Variants in POP4 observed in about 807,000 individuals in gnomAD.
The protein encoded by POP4 is POP4 ribonuclease P/MRP subunit.
Under a neutral mutation model 29.9 loss-of-function variants are expected in POP4, and 31 were observed. That is an observed-to-expected ratio of 1.04 (90% CI 0.78 to 1.40). The LOEUF is 1.40. POP4 is among the 40% of genes most tolerant of loss of function. POP4 has a pLI of 0.00. For missense variants in POP4, 286 were observed against 282.7 expected (o/e 1.01, Z -0.08); for synonymous variants, 110 against 108.2 (o/e 1.02, Z -0.10).
intron 1 of POP4, among the ~76,000 whole-genome samples, chr19:29,608,262 C>CTTTT (rs1164860504): frequency 2.4e-3 from 208 of 86,562 alleles, no homozygotes; most frequent in African/African-American, 5.1e-3. Flanking sequence ...CTTTTCTTTT[C>CTTTT]TTTTTTTTTT....
chr19:29,606,817 A>G (rs1971004025), intron 1 of POP4, among the ~76,000 whole-genome samples: 1 of 152,050 alleles, frequency 6.6e-6, no homozygotes, highest in Non-Finnish European at 1.5e-5. Context: ...TTTATTTTTC[A>G]TCTCTGCCAC....
At chr19:29,611,261 G>A (rs1189211951) in intron 3 of POP4, 1 of 156,992 alleles carries the variant, frequency 6.4e-6, no homozygotes. Context: ...GCCTCAGGTG[G>A]AGAAGGGGCT....
intron 2 of POP4, among the ~76,000 whole-genome samples, chr19:29,609,625 CTTTGTTTGTTTG>C (rs113199520): frequency 1.4e-5 from 2 of 143,528 alleles, no homozygotes; most frequent in Non-Finnish European, 3.0e-5. Flanking sequence ...TGGAGGGTTT[CTTTGTTTGTTTG>C]TTTGTTTGTT....
Position 29,616,141 on chromosome 19 carries a change from C to G in POP4, c.*761C>G, listed in dbSNP as rs577546078. ...AAGGAGGTCGCCCGGCATCACCTCC[C>G]GAGGTGAGACCTGCTGCAAAAGCCA... is the stretch of plus-strand genomic sequence containing the variant. On this transcript the variant is annotated 3_prime_UTR_variant, in exon 7 of 7. Coordinates refer to ENST00000585603, the MANE Select transcript of POP4 (RefSeq NM_006627.3). 2 of 152,204 alleles carry G rather than the reference C, an allele frequency of 1.3e-5. No homozygotes were observed. Among genetic ancestry groups the G allele is most frequent in the Non-Finnish European group, 2.9e-5 (2 of 68,032 alleles). The allele number at this position is 152,204 out of a possible 1,614,324, so 9.4% of individuals were successfully genotyped here.
chr19:29,612,444 A>G (rs554172393), intron 5 of POP4, among the ~76,000 whole-genome samples: 9 of 152,270 alleles, frequency 5.9e-5, no homozygotes, highest in East Asian at 5.8e-4. Flanking sequence ...CCTAAAGGGC[A>G]CAGTGGCTGC....
intron 1 of POP4, 135 bp downstream of exon 1, chr19:29,606,460 A>T: frequency 9.5e-7 from 1 of 1,055,916 alleles, no homozygotes; most frequent in South Asian, 2.1e-5. Flanking sequence ...GGCCCACCCT[A>T]CCTAAGAAAA....
intron 2 of POP4, 130 bp downstream of exon 2, chr19:29,608,839 T>A: frequency 1.2e-6 from 1 of 866,614 alleles, no homozygotes; most frequent in Non-Finnish European, 1.8e-6. Context: ...GGCAGACATC[T>A]AAGGCTGGAT....
chr19:29,615,836 A>C lies in POP4; in HGVS notation c.*456A>C, dbSNP rs1971125384. On this transcript the variant is annotated 3_prime_UTR_variant, in exon 7 of 7. Coordinates refer to ENST00000585603, the MANE Select transcript of POP4 (RefSeq NM_006627.3). Reference sequence around the variant, plus strand: ...GTTGAAAGGGAAGGGGGGTCCCCAAAGGTCCATTGGATGGCAGGTGTCTAC... The same window carrying C: ...GTTGAAAGGGAAGGGGGGTCCCCAACGGTCCATTGGATGGCAGGTGTCTAC... 6.5e-6 allele frequency: 1 copy of C among 153,824 alleles called. No homozygotes were observed. The highest frequency in any genetic ancestry group is 2.4e-5 in the African/African-American group (1 of 41,496). The allele number at this position is 153,824 out of a possible 1,614,324, so 9.5% of individuals were successfully genotyped here.
In POP4 at chr19:29,611,905, A is replaced by G. The variant is rs771224240; in HGVS notation, c.328A>G (p.Ile110Val). 5.6e-6 allele frequency: 9 copies of G among 1,614,084 alleles called. No homozygotes were observed. In the East Asian group the frequency reaches 2.0e-4, roughly 36 times the overall value. Residue 110 changes from isoleucine to valine, a missense_variant, in exon 4 of 7, where the codon ATC becomes GTC. Coordinates refer to ENST00000585603, the MANE Select transcript of POP4 (RefSeq NM_006627.3). ...TCTCCATGAACTCTGGAAACAGTAC[A>G]TCAGGGACCTGTGCAGTGGGCTCAA... Reference protein sequence around the residue: ...LPLHELWKQYIRDLCSGLKPD... With the variant: ...LPLHELWKQYVRDLCSGLKPD...
intron 5 of POP4, 61 bp from the exon 6 acceptor site, chr19:29,613,810 T>C: frequency 6.5e-7 from 1 of 1,545,548 alleles, no homozygotes; most frequent in South Asian, 1.3e-5. Context: ...GAGGCCTGCT[T>C]CTCTGTGGTT....
intron 1 of POP4, 35 bp from the exon 2 acceptor site, chr19:29,608,622 C>T (rs1273306952): frequency 6.2e-7 from 1 of 1,600,312 alleles, no homozygotes; most frequent in African/African-American, 1.3e-5. Context: ...CCATACCCAA[C>T]AAGAATTGAT....
intron 6 of POP4, among the ~76,000 whole-genome samples, chr19:29,614,578 C>G (rs1477845004): frequency 6.6e-6 from 1 of 150,644 alleles, no homozygotes. Flanking sequence ...AATCTCGACT[C>G]ACTGCAGCCT....
Position 29,610,613 on chromosome 19 carries a change from A to T in POP4, c.265A>T (p.Ile89Phe). The change falls in exon 3 of 7, where the codon ATT (isoleucine) becomes TTT (phenylalanine). Residue 89 changes from isoleucine (I) to phenylalanine (F), a missense_variant. Coordinates refer to ENST00000585603, the MANE Select transcript of POP4 (RefSeq NM_006627.3). ...AAGGAGGGAGCTGCGGCTCTTTGAC[A>T]TTAAACCAGAGCAGCAGAGGTAACC... is the stretch of plus-strand genomic sequence containing the variant. ...RQRRELRLFD[I>F]KPEQQRYSLF... is the part of the protein sequence containing the mutation. 3 of 1,614,022 alleles carry T rather than the reference A, an allele frequency of 1.9e-6. No individual in the cohort carries two copies. Among genetic ancestry groups the T allele is most frequent in the Non-Finnish European group, 2.5e-6 (3 of 1,180,014 alleles).
At chr19:29,607,949 A>G (rs1036711803) in intron 1 of POP4, among the ~76,000 whole-genome samples, 7 of 152,210 alleles carry the variant, frequency 4.6e-5, no homozygotes, top group Admixed American at 2.6e-4. Context: ...TTTTAAACCA[A>G]TGCAACTCAA....
Position 29,612,188 on chromosome 19 carries a change from C to G in POP4, c.424+10C>G. The G allele has an allele frequency of 1.2e-6, 2 of 1,601,912 alleles. No homozygotes were observed. Among genetic ancestry groups the G allele is most frequent in the Non-Finnish European group, 1.7e-6 (2 of 1,175,772 alleles). ...GGGGCTATTATTTCAGGTAATTTAC[C>G]TAAGAGCGTGTAGCACATGGCCATC... On this transcript the variant is annotated intron_variant, in intron 5 of 6. Coordinates refer to ENST00000585603, the MANE Select transcript of POP4 (RefSeq NM_006627.3).
chr19:29,613,957 G>C lies in POP4; in HGVS notation c.511G>C (p.Glu171Gln). 6.2e-7 allele frequency: 1 copy of C among 1,613,734 alleles called. No individual in the cohort carries two copies. Among genetic ancestry groups the C allele is most frequent in the Non-Finnish European group, 8.5e-7 (1 of 1,179,882 alleles). ...TKHIFKIITK[E>Q]DRLKVIPKLN... ...GCACATTTTCAAAATTATCACCAAA[G>C]AAGACCGCCTGAAAGGTATGTAGGT... The change falls in exon 6 of 7, where the codon GAA (glutamate) becomes CAA (glutamine). Residue 171 changes from glutamate to glutamine, a missense_variant. Coordinates refer to ENST00000585603, the MANE Select transcript of POP4 (RefSeq NM_006627.3).
rs750586297 is a variant in POP4, at chr19:29,613,899, G to C, written c.453G>C (p.Val151=). 2 of 1,613,542 alleles carry C rather than the reference G, an allele frequency of 1.2e-6. No individual in the cohort carries two copies. Among genetic ancestry groups the C allele is most frequent in the South Asian group, 1.1e-5 (1 of 91,020 alleles). The change falls in exon 6 of 7, where the codon GTG becomes GTC. Residue 151 remains valine, a synonymous_variant. Coordinates refer to ENST00000585603, the MANE Select transcript of POP4 (RefSeq NM_006627.3). The part of the protein sequence containing the change: ...SVTKSKCPSY[V]GITGILLQET... ...CAAAATCCAAATGCCCCTCTTATGT[G>C]GGTATTACAGGAATCCTTCTACAGG...
intron 1 of POP4, 164 bp downstream of exon 1, chr19:29,606,489 G>A (rs1970999220): frequency 1.3e-6 from 1 of 773,042 alleles, no homozygotes. Flanking sequence ...CTGGAGCACG[G>A]GTTAGCCTGG....
At chr19:29,610,918 C>A in intron 3 of POP4, 1 of 455,862 alleles carries the variant, frequency 2.2e-6, no homozygotes, top group Non-Finnish European at 4.0e-6. Context: ...CTTTGTTAGA[C>A]AGAAAAGAGG....
Sources: gnomAD v4.1 joint callset for allele counts (sites outside exome capture counted in the v4.1 genomes callset) on GRCh38, gnomAD v4.1.1 for gene constraint, MANE v1.5 for transcripts, NCBI Gene and HGNC (gene_info 2026-07-23, HGNC 2026-07-21) for gene names.